IFT122: variants seen among roughly 807,000 people sequenced by gnomAD.
The protein encoded by IFT122 is intraflagellar transport 122.
A neutral mutation model predicts 161.6 loss-of-function variants in IFT122; 118 were observed. The ratio of observed to expected loss-of-function variants is 0.73; its 90% CI spans 0.63 to 0.85. The LOEUF (loss-of-function observed/expected upper bound fraction) is 0.85. Ranked by LOEUF, IFT122 falls within the 40% of genes least tolerant of loss-of-function variation. The pLI is 0.00. For synonymous variants in IFT122, 550 were observed against 602.4 expected (o/e 0.91, Z 1.27); for missense variants, 1,381 against 1,579.6 (o/e 0.87, Z 2.13).
chr3:129,493,227 G>A (rs1388089367), intron 17 of IFT122, among the ~76,000 whole-genome samples: 3 of 152,176 alleles, frequency 2.0e-5, no homozygotes, highest in Non-Finnish European at 4.4e-5. Context: ...ATGGGAATGT[G>A]AGATACATTT....
At chr3:129,442,308 G>A (rs1458043168) in intron 1 of IFT122, among the ~76,000 whole-genome samples, 4 of 152,002 alleles carry the variant, frequency 2.6e-5, no homozygotes, top group African/African-American at 7.3e-5. Flanking sequence ...TGTCTTACTC[G>A]TTTCCAAATT....
chr3:129,519,469 C>G, intron 28 of IFT122, 99 bp from the exon 29 acceptor site: 1 of 1,506,556 alleles, frequency 6.6e-7, no homozygotes, highest in East Asian at 2.4e-5. Context: ...GAAGCAGGTC[C>G]TCTCTCACCA....
At chr3:129,463,983 A>G (rs937047302) in intron 6 of IFT122, among the ~76,000 whole-genome samples, 1 of 152,186 alleles carries the variant, frequency 6.6e-6, no homozygotes, top group Non-Finnish European at 1.5e-5. Context: ...AGAATCCAGA[A>G]TCTCTCATTG....
chr3:129,469,202 A>G lies in IFT122; in HGVS notation c.741-140A>G, dbSNP rs2077109707. 5 of 727,622 alleles carry G rather than the reference A, an allele frequency of 6.9e-6. No homozygotes were observed. The African/African-American group carries it at 8.6e-5, about 13-fold the overall frequency. The allele number at this position is 727,622 out of a possible 1,614,324, so 45.1% of individuals were successfully genotyped here. ...TGATTGATGGGTTGGGCCAAATTATAACTTTTGGCTTCAGTAAAGCTGTAC... is the reference window on the plus strand; with the variant it reads ...TGATTGATGGGTTGGGCCAAATTATGACTTTTGGCTTCAGTAAAGCTGTAC... On this transcript the variant is annotated intron_variant, in intron 8 of 29. Transcript: ENST00000348417.
intron 9 of IFT122, among the ~76,000 whole-genome samples, chr3:129,475,758 G>A (rs533318557): frequency 1.3e-5 from 2 of 151,830 alleles, no homozygotes; most frequent in South Asian, 4.2e-4. Flanking sequence ...AGGCTGCAGT[G>A]AGCCGTAATT....
chr3:129,515,064 C>T (rs2083316244), intron 25 of IFT122: 6 of 376,744 alleles, frequency 1.6e-5, no homozygotes, highest in South Asian at 1.2e-4. Flanking sequence ...ATCCCGGCTC[C>T]ACCCTCTCCT....
In IFT122 at chr3:129,506,494, T is replaced by A; in HGVS notation, c.2736T>A (p.Asn912Lys). The A allele has an allele frequency of 6.2e-7, 1 of 1,614,258 alleles. No homozygotes were observed. The highest frequency in any genetic ancestry group is 8.5e-7 in the Non-Finnish European group (1 of 1,180,038). ...TNNAVAESRF[N>K]DAAYYYWMLS... ...ATGCCGTGGCGGAGAGCAGGTTTAA[T>A]GATGCTGCCTATTATTACTGGATGC... Residue 912 changes from asparagine (N) to lysine (K), a missense_variant, in exon 22 of 30, where the codon AAT becomes AAA. Transcript: ENST00000348417.
At chr3:129,455,212 G>A (rs150351247) in intron 3 of IFT122, among the ~76,000 whole-genome samples, 8 of 150,606 alleles carry the variant, frequency 5.3e-5, no homozygotes, top group African/African-American at 1.2e-4. Context: ...TCGCTCTGTC[G>A]CCCAGGCTGG....
At chr3:129,517,315 G>T (rs1332178097) in intron 26 of IFT122, among the ~76,000 whole-genome samples, 154 bp from the exon 27 acceptor site, 1 of 147,848 alleles carries the variant, frequency 6.8e-6, no homozygotes, top group African/African-American at 2.6e-5. Context: ...GACTGCTCCT[G>T]CACACACATA....
chr3:129,514,148 A>T (rs1213788440), intron 24 of IFT122: 1 of 626,112 alleles, frequency 1.6e-6, no homozygotes, highest in African/African-American at 1.8e-5. Context: ...AGAGATGCTA[A>T]GCAAGGTTAA....
chr3:129,468,366 CAG>C (rs2077018755), intron 8 of IFT122, among the ~76,000 whole-genome samples: 1 of 151,202 alleles, frequency 6.6e-6, no homozygotes, highest in South Asian at 2.1e-4. Context: ...TTTTTTGTGA[CAG>C]AGTCTGGCTC....
chr3:129,500,051 C>A lies in IFT122; in HGVS notation c.2358C>A (p.Asp786Glu). Residue 786 changes from aspartate (D) to glutamate (E), a missense_variant, in exon 19 of 30, where the codon GAC becomes GAA. By Grantham distance (45) the Asp-to-Glu change is conservative (BLOSUM62 2). Coordinates refer to ENST00000348417, the MANE Select transcript of IFT122 (RefSeq NM_052989.3). ...EHVKAIEICG[D>E]HGWVDMLIDI... ...TCAAGGCCATCGAGATCTGTGGTGA[C>A]CATGGCTGGGTTGACATGTAGGTTT... 6.2e-7 allele frequency: 1 copy of A among 1,614,156 alleles called. No individual in the cohort carries two copies. Among genetic ancestry groups the A allele is most frequent in the Non-Finnish European group, 8.5e-7 (1 of 1,180,026 alleles).
chr3:129,460,518 C>T (rs1401605003), intron 4 of IFT122, among the ~76,000 whole-genome samples: 1 of 152,044 alleles, frequency 6.6e-6, no homozygotes, highest in Non-Finnish European at 1.5e-5. Flanking sequence ...CCTTGGCCGC[C>T]CAAACTGCTG....
In IFT122 at chr3:129,440,302, G is replaced by T. The variant is rs1213423878; in HGVS notation, c.-29G>T. The stretch of plus-strand genomic sequence containing the variant: ...CTGAGACAGACGCTGAGGCGGGTAG[G>T]AGGAGCCCGAGCCGTAAGGGAAGCC... On this transcript the variant is annotated 5_prime_UTR_variant, in exon 1 of 30. Coordinates refer to ENST00000348417, the MANE Select transcript of IFT122 (RefSeq NM_052989.3). The T allele has an allele frequency of 4.5e-6, 7 of 1,550,080 alleles. No individual in the cohort carries two copies. The Admixed American group carries it at 1.4e-4, about 30-fold the overall frequency.
At chr3:129,517,124 GCA>G (rs1450093474) in intron 26 of IFT122, among the ~76,000 whole-genome samples, 52 of 109,902 alleles carry the variant, frequency 4.7e-4, no homozygotes, top group African/African-American at 1.5e-3. Context: ...GACCGCTCCT[GCA>G]CACACACATG....
intron 3 of IFT122, among the ~76,000 whole-genome samples, chr3:129,457,435 G>A (rs756028799): frequency 2.0e-5 from 3 of 152,182 alleles, no homozygotes; most frequent in Middle Eastern, 3.4e-3. Context: ...TGATGACTCC[G>A]CTCATTCCCT....
intron 16 of IFT122, among the ~76,000 whole-genome samples, chr3:129,491,338 A>G (rs377666553): frequency 1.3e-4 from 20 of 152,308 alleles, no homozygotes; most frequent in Non-Finnish European, 1.9e-4. Flanking sequence ...TGAATGGGGC[A>G]ATAAATGGTG....
At chr3:129,507,324 T>G (rs768783466) in intron 22 of IFT122, among the ~76,000 whole-genome samples, 6 of 152,228 alleles carry the variant, frequency 3.9e-5, no homozygotes, top group Non-Finnish European at 5.9e-5. Context: ...CTGCCTGCCT[T>G]TGTCCCAGCA....
At chr3:129,500,367 T>A (rs1039096815) in intron 19 of IFT122, among the ~76,000 whole-genome samples, 13 of 152,228 alleles carry the variant, frequency 8.5e-5, no homozygotes, top group Non-Finnish European at 1.6e-4. Flanking sequence ...GGCATTAGGT[T>A]TTCCACCTAT....
Sources: gnomAD v4.1 joint callset for allele counts (sites outside exome capture counted in the v4.1 genomes callset) on GRCh38, gnomAD v4.1.1 for gene constraint, MANE v1.5 for transcripts, NCBI Gene and HGNC (gene_info 2026-07-23, HGNC 2026-07-21) for gene names.